Variants in OR51B5 observed in about 807,000 individuals in gnomAD.
OR51B5 encodes olfactory receptor 51B5.
For missense variants in OR51B5, 456 were observed against 374.6 expected, an observed-to-expected ratio of 1.22 and a Z score of -1.79; for synonymous variants, 186 against 144.8, an observed-to-expected ratio of 1.28 and a Z score of -2.04.
chr11:5,351,676 A>G lies in OR51B5; in HGVS notation n.85-4766T>C, dbSNP rs1849090057. On this transcript the variant is annotated intron_variant and non_coding_transcript_variant, in intron 1 of 4. Coordinates refer to the OR51B5 transcript ENST00000415970. ...GAATGATCATAACCTCCATGAGCCC[A>G]TGTACTATTTCTTAGCTATGTTGGC... The G allele has an allele frequency of 1.9e-6, 3 of 1,614,100 alleles. No homozygotes were observed. The East Asian group carries it at 6.7e-5, about 36-fold the overall frequency.
At chr11:5,348,177 T>C (rs887841155), upstream of OR51B5, among the ~76,000 whole-genome samples, 1 of 152,208 alleles carries the variant, frequency 6.6e-6, no homozygotes, top group Non-Finnish European at 1.5e-5. Context: ...AAACTTGGTT[T>C]CTTTGAGAGT....
chr11:5,344,147 C>T (rs149363680), upstream of OR51B5, among the ~76,000 whole-genome samples: 677 of 152,286 alleles, frequency 4.4e-3, 2 homozygotes, highest in Non-Finnish European at 7.2e-3. Flanking sequence ...CAGACATTCA[C>T]GATTAGTGTG....
intron 1 of OR51B5, chr11:5,351,956 C>T (rs376314543): frequency 1.2e-6 from 2 of 1,612,884 alleles, no homozygotes; most frequent in African/African-American, 2.7e-5. Context: ...TTGACAAGGG[C>T]TGGTCTGTCC....
At chr11:5,378,049 C>G (rs373683915) in intron 1 of OR51B5, among the ~76,000 whole-genome samples, 156 of 152,142 alleles carry the variant, frequency 1.0e-3, no homozygotes, top group Non-Finnish European at 1.4e-3. Context: ...CAGGCTACCT[C>G]ACTTCAAACT....
At chr11:5,440,997 C>A in intron 1 of OR51B5, 1 of 1,613,910 alleles carries the variant, frequency 6.2e-7, no homozygotes, top group Non-Finnish European at 8.5e-7. Flanking sequence ...CAAAACATTG[C>A]CTTTGCAGAA....
chr11:5,364,085 A>T (rs1849328430), intron 1 of OR51B5, among the ~76,000 whole-genome samples: 1 of 152,226 alleles, frequency 6.6e-6, no homozygotes, highest in South Asian at 2.1e-4. Flanking sequence ...CATGGTTGCA[A>T]TAAGGTCGAT....
At chr11:5,502,390 C>A (rs993843475) in intron 1 of OR51B5, among the ~76,000 whole-genome samples, 4 of 152,162 alleles carry the variant, frequency 2.6e-5, no homozygotes, top group Non-Finnish European at 5.9e-5. Flanking sequence ...TCAGGATTCT[C>A]TTTTATCCTT....
chr11:5,355,790 G>C (rs546108912), intron 1 of OR51B5, among the ~76,000 whole-genome samples: 10 of 151,984 alleles, frequency 6.6e-5, no homozygotes, highest in Admixed American at 2.0e-4. Context: ...TAGGGTCAAG[G>C]GGTATAGGGT....
intron 1 of OR51B5, among the ~76,000 whole-genome samples, chr11:5,483,316 A>G (rs1452193355): frequency 1.6e-5 from 2 of 128,376 alleles, no homozygotes; most frequent in Non-Finnish European, 3.1e-5. Context: ...ATGAGATCAC[A>G]TGGACACAGG....
chr11:5,483,950 C>T (rs1851464518), intron 1 of OR51B5, among the ~76,000 whole-genome samples: 1 of 152,132 alleles, frequency 6.6e-6, no homozygotes, highest in East Asian at 1.9e-4. Context: ...CTCCCTTGAA[C>T]CTGCAGAGAA....
intron 1 of OR51B5, among the ~76,000 whole-genome samples, chr11:5,503,097 A>G (rs765863547): frequency 2.6e-5 from 4 of 152,204 alleles, no homozygotes; most frequent in Non-Finnish European, 5.9e-5. Context: ...TACAAACATC[A>G]TAGTATTGGT....
chr11:5,390,342 T>C lies in OR51B5; in HGVS notation n.85-43432A>G, dbSNP rs374891710. ...AAGACCAAGGAGATCCACCGTGCCA[T>C]TATCAAGTTCCTAGGTCTTAAAAAG... On this transcript the variant is annotated intron_variant and non_coding_transcript_variant, in intron 1 of 4. Transcript: ENST00000415970. The C allele has an allele frequency of 3.4e-5, 55 of 1,610,720 alleles. No homozygotes were observed. The African/African-American group carries it at 6.5e-4, about 19-fold the overall frequency.
rs1329201327 is a variant in OR51B5 at position 5,441,316 on chromosome 11, T to C, written n.84+64253A>G. ...ACTCCCAGATCATTGAGAGCGAGCA[T>C]AGAGAGGAAGTAGTACATGGGCTGA... On this transcript the variant is annotated intron_variant and non_coding_transcript_variant, in intron 1 of 4. Coordinates refer to the OR51B5 transcript ENST00000415970. The C allele has an allele frequency of 6.2e-6, 10 of 1,613,640 alleles. No homozygotes were observed. The East Asian group carries it at 1.8e-4, about 29-fold the overall frequency.
At chr11:5,451,136 T>G (rs536913806) in intron 1 of OR51B5, among the ~76,000 whole-genome samples, 113 of 152,212 alleles carry the variant, frequency 7.4e-4, no homozygotes, top group Admixed American at 2.3e-3. Context: ...TTCATTTTCT[T>G]TCTCAGTATT....
chr11:5,377,614 C>G (rs1449143437), intron 1 of OR51B5, among the ~76,000 whole-genome samples: 1 of 152,136 alleles, frequency 6.6e-6, no homozygotes, highest in African/African-American at 2.4e-5. Context: ...TCAGCAAAGC[C>G]TCAGGATACA....
chr11:5,340,667 A>C (rs1307296946), downstream of OR51B5: 2 of 152,206 alleles, frequency 1.3e-5, no homozygotes, highest in South Asian at 4.1e-4. Context: ...CAAAAAGTAG[A>C]AGCCACTAAG....
At chr11:5,347,806 G>C (rs959207070), upstream of OR51B5, among the ~76,000 whole-genome samples, 1 of 152,040 alleles carries the variant, frequency 6.6e-6, no homozygotes, top group Non-Finnish European at 1.5e-5. Context: ...GCAGAAGAGG[G>C]AGGGAGGGAA....
exon 1 of OR51B5, chr11:5,343,401 T>C (rs370052288): frequency 5.0e-6 from 8 of 1,612,192 alleles, no homozygotes; most frequent in Middle Eastern, 1.7e-4. Context: ...AGAAGGAGGG[T>C]GCCATTGCCA....
intron 1 of OR51B5, among the ~76,000 whole-genome samples, chr11:5,474,505 G>GGTT (rs34090132): frequency 0.96 from 145,349 of 152,108 alleles, 69,488 homozygotes; most frequent in South Asian, 0.99. Context: ...TTAATAAATT[G>GGTT]TTTTTGGAGA....
Sources: allele counts gnomAD v4.1 joint callset (sites outside exome capture counted in the v4.1 genomes callset), GRCh38; gene constraint gnomAD v4.1.1; transcripts MANE v1.5; gene names NCBI Gene and HGNC (gene_info 2026-07-23, HGNC 2026-07-21).